The following AUTS2 variants were observed in gnomAD, a reference collection of about 807,000 sequenced individuals.
The protein encoded by AUTS2 is autism susceptibility gene 2 protein.
In AUTS2, 17 loss-of-function variants were observed where a neutral mutation model predicts 112.4. The observed-to-expected ratio is 0.15, with a 90% CI of 0.10 to 0.23. The LOEUF is 0.23. AUTS2 is among the 10% of genes least tolerant of loss of function. The pLI, the probability that AUTS2 is intolerant of heterozygous loss-of-function variation, is 1.00. For synonymous variants in AUTS2, 751 were observed against 702.7 expected (o/e 1.07, Z -1.09); for missense variants, 1,510 against 1,701.6 (o/e 0.89, Z 1.98).
At chr7:70,601,240 G>A (rs918681213) in intron 5 of AUTS2, among the ~76,000 whole-genome samples, 1 of 152,188 alleles carries the variant, frequency 6.6e-6, no homozygotes, top group East Asian at 1.9e-4. Context: ...GTATCTCAGT[G>A]TAGTTTTAGT....
At chr7:70,471,908 A>C (rs2115910422) in intron 5 of AUTS2, among the ~76,000 whole-genome samples, 1 of 152,122 alleles carries the variant, frequency 6.6e-6, no homozygotes, top group South Asian at 2.1e-4. Flanking sequence ...TGTGTGAGGA[A>C]TAGCAAGCAG....
At chr7:69,830,524 A>G (rs1791453651) in intron 1 of AUTS2, among the ~76,000 whole-genome samples, 1 of 152,156 alleles carries the variant, frequency 6.6e-6, no homozygotes, top group Non-Finnish European at 1.5e-5. Flanking sequence ...TTCCTAATAT[A>G]TCTTCTAATA....
chr7:70,035,202 A>C (rs1363457646), intron 2 of AUTS2, among the ~76,000 whole-genome samples: 2 of 152,220 alleles, frequency 1.3e-5, no homozygotes, highest in African/African-American at 4.8e-5. Context: ...TGTGAGCTGC[A>C]TGTGAATTTC....
At chr7:69,687,733 A>G (rs1797125231) in intron 1 of AUTS2, among the ~76,000 whole-genome samples, 1 of 152,164 alleles carries the variant, frequency 6.6e-6, no homozygotes, top group Non-Finnish European at 1.5e-5. Context: ...AACGCGTATG[A>G]TAACCCAGAT....
intron 1 of AUTS2, among the ~76,000 whole-genome samples, chr7:69,878,118 A>AG (rs1165551400): frequency 6.6e-6 from 1 of 152,156 alleles, no homozygotes; most frequent in East Asian, 1.9e-4. Context: ...CTAATCCCAC[A>AG]GCAGAATAGA....
At chr7:70,553,756 CTTTCTTTTTTTTTTTT>C (rs1367096073) in intron 5 of AUTS2, among the ~76,000 whole-genome samples, 90 of 98,134 alleles carry the variant, frequency 9.2e-4, no homozygotes, top group Middle Eastern at 5.8e-3. Flanking sequence ...AGAGGCCTTT[CTTTCTTTTTTTTTTTT>C]TTTTTTTTTT....
At chr7:70,442,565 A>G (rs1420191305) in intron 5 of AUTS2, among the ~76,000 whole-genome samples, 1 of 152,188 alleles carries the variant, frequency 6.6e-6, no homozygotes, top group Non-Finnish European at 1.5e-5. Context: ...GTCTCGGTTC[A>G]CTGAACCCTC....
At chr7:70,171,767 G>A (rs182409944) in intron 4 of AUTS2, among the ~76,000 whole-genome samples, 1 of 152,214 alleles carries the variant, frequency 6.6e-6, no homozygotes, top group East Asian at 1.9e-4. Context: ...AAATGGAGAC[G>A]GTTATAAGAA....
intron 1 of AUTS2, among the ~76,000 whole-genome samples, chr7:69,875,378 A>G (rs1179364568): frequency 1.3e-5 from 2 of 152,214 alleles, no homozygotes; most frequent in Non-Finnish European, 2.9e-5. Context: ...TCTGTGGTTC[A>G]GAAGAGAAAT....
chr7:69,779,618 C>G (rs1160749492), intron 1 of AUTS2, among the ~76,000 whole-genome samples: 2 of 151,800 alleles, frequency 1.3e-5, no homozygotes, highest in African/African-American at 4.8e-5. Flanking sequence ...AAAAATATAG[C>G]TGGGCTTGGT....
chr7:69,686,097 G>T (rs559774899), intron 1 of AUTS2, among the ~76,000 whole-genome samples: 17 of 152,172 alleles, frequency 1.1e-4, no homozygotes, highest in Non-Finnish European at 7.3e-5. Flanking sequence ...ATTGCTGGGT[G>T]TAGGTTATAC....
At chr7:69,772,102 T>A (rs889964318) in intron 1 of AUTS2, among the ~76,000 whole-genome samples, 78 of 152,178 alleles carry the variant, frequency 5.1e-4, no homozygotes, top group African/African-American at 1.8e-3. Flanking sequence ...TGACTTTTTT[T>A]ACTGAGAAGA....
At chr7:69,607,355 TTC>T (rs1792784998) in intron 1 of AUTS2, among the ~76,000 whole-genome samples, 1 of 152,220 alleles carries the variant, frequency 6.6e-6, no homozygotes, top group Non-Finnish European at 1.5e-5. Flanking sequence ...TCCTTCTTCT[TTC>T]TCTCTCTTCC....
At chr7:69,657,246 C>G (rs559575224) in intron 1 of AUTS2, among the ~76,000 whole-genome samples, 1 of 152,260 alleles carries the variant, frequency 6.6e-6, no homozygotes, top group South Asian at 2.1e-4. Context: ...GCAGATAAAA[C>G]CTAGTGCTGA....
chr7:69,612,644 C>T (rs139996492), intron 1 of AUTS2, among the ~76,000 whole-genome samples: 227 of 152,002 alleles, frequency 1.5e-3, no homozygotes, highest in East Asian at 5.4e-3. Context: ...TTTGTAGAGA[C>T]GGAGTCTTCC....
At chr7:70,338,848 A>C (rs1169543301) in intron 4 of AUTS2, among the ~76,000 whole-genome samples, 1 of 144,546 alleles carries the variant, frequency 6.9e-6, no homozygotes, top group African/African-American at 2.5e-5. Flanking sequence ...TTATTTATTT[A>C]TTTATTTATT....
At chr7:70,332,765 A>G (rs1790815716) in intron 4 of AUTS2, among the ~76,000 whole-genome samples, 2 of 152,228 alleles carry the variant, frequency 1.3e-5, no homozygotes, top group South Asian at 2.1e-4. Context: ...AGCCATATGC[A>G]GAAAACTGAA....
chr7:69,951,279 C>T (rs1435445280), intron 2 of AUTS2, among the ~76,000 whole-genome samples: 1 of 151,974 alleles, frequency 6.6e-6, no homozygotes, highest in African/African-American at 2.4e-5. Flanking sequence ...CACTGGTCCA[C>T]TCTTGAGTCT....
At chr7:70,495,833 C>G (rs13308489) in intron 5 of AUTS2, among the ~76,000 whole-genome samples, 28 of 138,434 alleles carry the variant, frequency 2.0e-4, no homozygotes, top group African/African-American at 7.4e-4. Context: ...GATCACACAC[C>G]CCACTCACAC....
Sources: allele counts gnomAD v4.1 joint callset (sites outside exome capture counted in the v4.1 genomes callset), GRCh38; gene constraint gnomAD v4.1.1; transcripts MANE v1.5; gene names NCBI Gene and HGNC (gene_info 2026-07-23, HGNC 2026-07-21).